Variants in SBF2 observed in about 807,000 individuals in gnomAD.
SBF2 encodes myotubularin-related protein 13.
In SBF2, 112 loss-of-function variants were observed where a neutral mutation model predicts 225.2. The ratio of observed to expected loss-of-function variants is 0.50; its 90% CI spans 0.43 to 0.58. The LOEUF (loss-of-function observed/expected upper bound fraction) is 0.58. Ranked by LOEUF, SBF2 falls within the 20% of genes least tolerant of loss-of-function variation. SBF2 has a pLI of 0.00. For synonymous variants in SBF2, 763 were observed against 773.3 expected, an observed-to-expected ratio of 0.99 and a Z score of 0.22; for missense variants, 1,996 against 2,206.2, an observed-to-expected ratio of 0.90 and a Z score of 1.91.
chr11:9,788,081 C>G, intron 35 of SBF2: 1 of 348,054 alleles, frequency 2.9e-6, no homozygotes, highest in Non-Finnish European at 5.5e-6. Flanking sequence ...AGCACTGGCC[C>G]GTGGCCCAGC....
rs574177096 is a variant in SBF2 at position 9,932,957 on chromosome 11, C to CAAAAAAAAAAAAA, written c.1860+28987_1860+28999dup. Among the ~76,000 whole-genome samples, 8 of 58,774 alleles carry CAAAAAAAAAAAAA rather than the reference C, an allele frequency of 1.4e-4. 1 individual carries two copies. In the East Asian group the frequency reaches 7.1e-3, roughly 52 times the overall value. The allele number at this position is 58,774 out of a possible 152,430, so 38.6% of individuals were successfully genotyped here. A position where few individuals can be genotyped will look rare whatever the true frequency, so the allele number is the denominator to read the frequency against. On this transcript the variant is annotated intron_variant, in intron 16 of 39. Transcript: ENST00000256190. ...GGAGATCTACCAAGCAAACGAAAAG[C>CAAAAAAAAAAAAA]AAAAAAAAAAAAAAAAAAAAAAAAA...
At chr11:9,951,251 C>T (rs1245331168) in intron 16 of SBF2, among the ~76,000 whole-genome samples, 1 of 152,146 alleles carries the variant, frequency 6.6e-6, no homozygotes, top group Non-Finnish European at 1.5e-5. Context: ...TAGATATAGG[C>T]AGGGGCCAAG....
intron 16 of SBF2, 109 bp downstream of exon 16, chr11:9,961,848 A>G (rs766720875): frequency 3.3e-4 from 312 of 943,094 alleles, no homozygotes; most frequent in Non-Finnish European, 4.8e-4. Flanking sequence ...GCTTCATCCT[A>G]TTAGCTGTGG....
intron 13 of SBF2, among the ~76,000 whole-genome samples, chr11:9,981,887 A>G (rs1371975876): frequency 5.3e-5 from 8 of 152,178 alleles, no homozygotes; most frequent in African/African-American, 1.9e-4. Flanking sequence ...AAAAAATCAC[A>G]TCTTCCCTCA....
chr11:9,976,463 G>T (rs1946687987), intron 13 of SBF2, among the ~76,000 whole-genome samples: 1 of 152,032 alleles, frequency 6.6e-6, no homozygotes, highest in South Asian at 2.1e-4. Context: ...CAGGTATGGT[G>T]GTAAGTGTCT....
intron 26 of SBF2, among the ~76,000 whole-genome samples, chr11:9,835,076 A>T (rs1855649581): frequency 2.0e-5 from 3 of 152,200 alleles, no homozygotes; most frequent in African/African-American, 4.8e-5. Context: ...AATGAAAGAT[A>T]TCAATTTCCC....
At chr11:10,222,852 T>C (rs1958390228) in intron 1 of SBF2, among the ~76,000 whole-genome samples, 3 of 152,188 alleles carry the variant, frequency 2.0e-5, no homozygotes, top group South Asian at 4.1e-4. Flanking sequence ...AAGCTTAGCA[T>C]TCCAATAATG....
At chr11:9,892,610 A>G (rs2134124208) in intron 17 of SBF2, among the ~76,000 whole-genome samples, 1 of 150,786 alleles carries the variant, frequency 6.6e-6, no homozygotes, top group South Asian at 2.1e-4. Flanking sequence ...CCCAGGCTGG[A>G]GTACAATGGT....
intron 3 of SBF2, among the ~76,000 whole-genome samples, chr11:10,041,776 C>G (rs1949665631): frequency 6.6e-6 from 1 of 152,090 alleles, no homozygotes; most frequent in Non-Finnish European, 1.5e-5. Context: ...TTTCAGAAAG[C>G]AGGCCAATCT....
chr11:10,005,831 C>A (rs1948165629), intron 6 of SBF2, among the ~76,000 whole-genome samples: 1 of 152,154 alleles, frequency 6.6e-6, no homozygotes, highest in Non-Finnish European at 1.5e-5. Flanking sequence ...TTTCATTCTT[C>A]TGCTTACTAA....
intron 3 of SBF2, among the ~76,000 whole-genome samples, chr11:10,032,232 T>C (rs568385420): frequency 1.1e-4 from 16 of 152,318 alleles, no homozygotes; most frequent in African/African-American, 3.8e-4. Context: ...TTCTCCCGCT[T>C]AACAAACCCA....
At chr11:10,160,512 A>T (rs1955683383) in intron 2 of SBF2, among the ~76,000 whole-genome samples, 1 of 152,206 alleles carries the variant, frequency 6.6e-6, no homozygotes, top group South Asian at 2.1e-4. Flanking sequence ...GCGGAAAAAT[A>T]GAGGAATTAC....
chr11:10,144,100 C>G (rs1954778642), intron 2 of SBF2, among the ~76,000 whole-genome samples: 1 of 152,174 alleles, frequency 6.6e-6, no homozygotes, highest in Admixed American at 6.5e-5. Context: ...ACCTTCAAGC[C>G]TTTTCTATTG....
intron 1 of SBF2, among the ~76,000 whole-genome samples, chr11:10,266,454 T>C (rs1351083330): frequency 6.6e-6 from 1 of 152,184 alleles, no homozygotes; most frequent in Non-Finnish European, 1.5e-5. Flanking sequence ...TAAATGCAGA[T>C]TTCCTCTGCT....
intron 17 of SBF2, among the ~76,000 whole-genome samples, chr11:9,876,355 C>G (rs751620206): frequency 7.4e-4 from 112 of 152,160 alleles, no homozygotes; most frequent in Non-Finnish European, 1.2e-3. Context: ...GTGTTATAAA[C>G]TGAATGTTTG....
At chr11:9,927,360 G>A (rs1042068319) in intron 16 of SBF2, among the ~76,000 whole-genome samples, 7 of 152,206 alleles carry the variant, frequency 4.6e-5, no homozygotes, top group East Asian at 1.9e-4. Flanking sequence ...AAATTGAGCC[G>A]GAGTATGCAC....
At chr11:10,299,678 C>T (rs895879685) in intron 1 of SBF2, among the ~76,000 whole-genome samples, 2 of 149,328 alleles carry the variant, frequency 1.3e-5, no homozygotes, top group Non-Finnish European at 3.0e-5. Flanking sequence ...GTCAGTGAAG[C>T]TGGTGAACTT....
At chr11:10,139,640 C>T (rs1372716279) in intron 2 of SBF2, among the ~76,000 whole-genome samples, 3 of 152,264 alleles carry the variant, frequency 2.0e-5, no homozygotes, top group East Asian at 1.9e-4. Flanking sequence ...AAATTGCTCC[C>T]GTATATAAGC....
chr11:9,800,059 G>A (rs930608939), intron 32 of SBF2, among the ~76,000 whole-genome samples: 9 of 152,128 alleles, frequency 5.9e-5, no homozygotes, highest in Non-Finnish European at 1.3e-4. Context: ...CCAATATGGT[G>A]AAACACCATT....
Sources: gnomAD v4.1 joint callset for allele counts (sites outside exome capture counted in the v4.1 genomes callset) on GRCh38, gnomAD v4.1.1 for gene constraint, MANE v1.5 for transcripts, NCBI Gene and HGNC (gene_info 2026-07-23, HGNC 2026-07-21) for gene names.